The following MTRF1 variants were observed in gnomAD, a reference collection of about 807,000 sequenced individuals.
MTRF1 encodes mitochondrial translation release factor 1, also known as peptide chain release factor 1, mitochondrial.
MTRF1 carries 51 observed loss-of-function variants against 62.9 expected under a neutral mutation model. The observed-to-expected ratio is 0.81, with a 90% confidence interval of 0.65 to 1.02. MTRF1 has a LOEUF of 1.02. MTRF1 is among the 50% of genes least tolerant of loss of function. The pLI is 0.00. For missense variants in MTRF1, 446 were observed against 530.0 expected (o/e 0.84, Z 1.56); for synonymous variants, 158 against 181.9 (o/e 0.87, Z 1.06).
intron 2 of MTRF1, among the ~76,000 whole-genome samples, chr13:41,256,125 G>A (rs1186398135): frequency 6.6e-6 from 1 of 152,052 alleles, no homozygotes; most frequent in African/African-American, 2.4e-5. Flanking sequence ...GGGAGACAAC[G>A]AAGAAAAAAA....
chr13:41,309,341 A>AGTGTGTGTGT, the MTRF1 span, among the ~76,000 whole-genome samples: 4,071 of 135,610 alleles, frequency 0.03, 72 homozygotes, highest in East Asian at 0.041. Context: ...ATGCCCAGCT[A>AGTGTGTGTGT]GTGTGTGTGT....
chr13:41,263,322 C>T, intron 1 of MTRF1, 163 bp downstream of exon 1: 1 of 1,289,218 alleles, frequency 7.8e-7, no homozygotes, highest in Non-Finnish European at 1.0e-6. Flanking sequence ...AACAGTATTA[C>T]TCTGATGCTT....
intron 5 of MTRF1, among the ~76,000 whole-genome samples, chr13:41,249,957 TG>T (rs1400290696): frequency 1.3e-4 from 20 of 152,034 alleles, no homozygotes; most frequent in Admixed American, 4.6e-4. Context: ...ATATTTGTAA[TG>T]TTTTTTTTTT....
At position 41,254,607 on chromosome 13, in the gene MTRF1, T is replaced by A; in HGVS notation, c.429A>T (p.Gln143His). The change falls in exon 3 of 10, where the codon CAA (glutamine) becomes CAT (histidine). Residue 143 changes from glutamine (Q) to histidine (H), a missense_variant. Coordinates refer to ENST00000379480, the MANE Select transcript of MTRF1 (RefSeq NM_004294.4). ...LESMCKSLNKQDEKQLQELAL... is the reference protein window; with the variant it reads ...LESMCKSLNKHDEKQLQELAL... ...CAAGTTCTTGTAACTGCTTTTCATC[T>A]TGTTTATTTAGGCCTAAAAGCCAGA... 6.2e-7 allele frequency: 1 copy of A among 1,613,178 alleles called. No homozygotes were observed. The highest frequency in any genetic ancestry group is 8.5e-7 in the Non-Finnish European group (1 of 1,179,452).
upstream of MTRF1, among the ~76,000 whole-genome samples, chr13:41,264,675 A>C (rs1037071042): frequency 5.9e-5 from 9 of 152,244 alleles, no homozygotes; most frequent in Admixed American, 2.0e-4. Flanking sequence ...GTTTTACCCT[A>C]TTAATTCATT....
At chr13:41,296,725 G>T in the MTRF1 span, among the ~76,000 whole-genome samples, 1 of 151,726 alleles carries the variant, frequency 6.6e-6, no homozygotes, top group African/African-American at 2.4e-5. Context: ...AGTTATATTT[G>T]TATGAATATG....
At chr13:41,256,350 G>A (rs185826812) in intron 2 of MTRF1, among the ~76,000 whole-genome samples, 2,079 of 148,046 alleles carry the variant, frequency 0.014, 52 homozygotes, top group African/African-American at 0.049. Context: ...TTTTTGAGAT[G>A]GAGTCTTGCT....
Position 41,252,944 on chromosome 13 carries a change from C to T in MTRF1, c.589+5G>A. ...TCATTTAAATAATAAAGTAAGTTTA[C>T]TGACCTCCAGTAGTCCTTCCAGCTG... On this transcript the variant is annotated splice_donor_5th_base_variant and intron_variant, in intron 4 of 9. Transcript: ENST00000379480. The T allele has an allele frequency of 6.3e-7, 1 of 1,581,778 alleles. No homozygotes were observed. The highest frequency in any genetic ancestry group is 8.6e-7 in the Non-Finnish European group (1 of 1,159,664).
At chr13:41,296,008 T>C in the MTRF1 span, among the ~76,000 whole-genome samples, 2 of 152,130 alleles carry the variant, frequency 1.3e-5, no homozygotes, top group Non-Finnish European at 2.9e-5. Context: ...TGGAGTCAAG[T>C]GGTACAATCA....
chr13:41,263,557 C>G lies in MTRF1; in HGVS notation c.-81G>C. ...CCTTCCGAGACCCGCCACATTTCAG[C>G]CCGACAAACCCGAGATCACGTTCAC... On this transcript the variant is annotated 5_prime_UTR_variant, in exon 1 of 10. Coordinates refer to ENST00000379480, the MANE Select transcript of MTRF1 (RefSeq NM_004294.4). 1 of 214,660 alleles carries G rather than the reference C, an allele frequency of 4.7e-6. No homozygotes were observed. Among genetic ancestry groups the G allele is most frequent in the South Asian group, 6.0e-5 (1 of 16,600 alleles). The allele number at this position is 214,660 out of a possible 1,614,324, so 13.3% of individuals were successfully genotyped here. A position where few individuals can be genotyped will look rare whatever the true frequency, so the allele number is the denominator to read the frequency against.
At chr13:41,289,807 A>G in the MTRF1 span, among the ~76,000 whole-genome samples, 1 of 152,190 alleles carries the variant, frequency 6.6e-6, no homozygotes, top group Non-Finnish European at 1.5e-5. Context: ...ATTCTTCTCC[A>G]TGACAACACC....
At chr13:41,277,449 C>A in the MTRF1 span, among the ~76,000 whole-genome samples, 2 of 152,212 alleles carry the variant, frequency 1.3e-5, no homozygotes, top group South Asian at 2.1e-4. Flanking sequence ...TTCTTTACTG[C>A]AATGCCATGG....
the MTRF1 span, among the ~76,000 whole-genome samples, chr13:41,305,977 G>A: frequency 1.3e-5 from 2 of 152,178 alleles, no homozygotes; most frequent in Non-Finnish European, 2.9e-5. Flanking sequence ...TATGTAAAGA[G>A]AGAGAACATG....
At chr13:41,279,001 T>G in the MTRF1 span, among the ~76,000 whole-genome samples, 1 of 152,202 alleles carries the variant, frequency 6.6e-6, no homozygotes, top group African/African-American at 2.4e-5. Context: ...TTTTTTATTT[T>G]TTTTGAGATG....
the MTRF1 span, among the ~76,000 whole-genome samples, chr13:41,274,595 G>A: frequency 6.6e-6 from 1 of 151,890 alleles, no homozygotes; most frequent in Non-Finnish European, 1.5e-5. Context: ...ATACTTGCTG[G>A]CAGTGCTTGC....
intron 9 of MTRF1, chr13:41,220,489 A>ATAC: frequency 1.2e-6 from 1 of 852,908 alleles, no homozygotes. Flanking sequence ...AATACATTAT[A>ATAC]TGGTAGTCTG....
the MTRF1 span, among the ~76,000 whole-genome samples, chr13:41,269,268 C>T: frequency 2.3e-5 from 3 of 130,996 alleles, no homozygotes; most frequent in Non-Finnish European, 3.1e-5. Context: ...GGCTTGATCT[C>T]GGCTCACTGC....
At chr13:41,221,784 T>C (rs1052134716) in intron 9 of MTRF1, among the ~76,000 whole-genome samples, 2 of 151,776 alleles carry the variant, frequency 1.3e-5, no homozygotes, top group Middle Eastern at 3.4e-3. Context: ...CTAAAAGATA[T>C]TACTGGTCAT....
the MTRF1 span, among the ~76,000 whole-genome samples, chr13:41,290,609 G>T: frequency 6.6e-6 from 1 of 150,444 alleles, no homozygotes; most frequent in Admixed American, 6.6e-5. Flanking sequence ...TGGCCAGGCT[G>T]GTCTCGAACT....
Sources: allele counts gnomAD v4.1 joint callset (sites outside exome capture counted in the v4.1 genomes callset), GRCh38; gene constraint gnomAD v4.1.1; transcripts MANE v1.5; gene names NCBI Gene and HGNC (gene_info 2026-07-23, HGNC 2026-07-21).